Variants in TTI1 observed in about 807,000 individuals in gnomAD.
TTI1 encodes the protein TELO2 interacting protein 1.
TTI1 carries 52 observed loss-of-function variants against 85.4 expected under a neutral mutation model. The ratio of observed to expected loss-of-function variants is 0.61; its 90% CI spans 0.49 to 0.77. The LOEUF is 0.77. Among genes scored for constraint, TTI1 ranks in the 30% least tolerant of loss-of-function variants. The pLI, the probability that TTI1 is intolerant of heterozygous loss-of-function variation, is 0.00. For missense variants in TTI1, 1,173 were observed against 1,296.0 expected (o/e 0.91, Z 1.46); for synonymous variants, 512 against 503.9 (o/e 1.02, Z -0.22).
chr20:37,993,129 T>G (rs1045018023), intron 7 of TTI1, among the ~76,000 whole-genome samples: 85 of 150,556 alleles, frequency 5.6e-4, no homozygotes, highest in African/African-American at 2.0e-3. Flanking sequence ...TTTTTTTTTT[T>G]GCATTGCCAG....
intron 1 of TTI1, among the ~76,000 whole-genome samples, chr20:38,032,790 T>C (rs2073933146): frequency 6.6e-6 from 1 of 152,126 alleles, no homozygotes; most frequent in Non-Finnish European, 1.5e-5. Context: ...AGCTATCCTC[T>C]CGCCTCGGCC....
At chr20:37,989,695 C>A (rs563349368) in intron 7 of TTI1, among the ~76,000 whole-genome samples, 1 of 152,226 alleles carries the variant, frequency 6.6e-6, no homozygotes, top group Non-Finnish European at 1.5e-5. Context: ...ACTCTCGGGC[C>A]ACATTGTTTC....
At chr20:37,987,271 A>T (rs2073203708) in intron 7 of TTI1, 1 of 456,612 alleles carries the variant, frequency 2.2e-6, no homozygotes, top group South Asian at 1.5e-5. Flanking sequence ...GCTGAAAGCC[A>T]AAGTTGTTGA....
At chr20:37,997,055 G>T in intron 5 of TTI1, 102 bp from the exon 6 acceptor site, 3 of 1,118,606 alleles carry the variant, frequency 2.7e-6, no homozygotes, top group Non-Finnish European at 3.6e-6. Context: ...CTGCTTGGGG[G>T]AAAAAAAAAA....
At position 38,012,441 on chromosome 20, in the gene TTI1, G is replaced by A; in HGVS notation, c.1376C>T (p.Ser459Phe). ...RRWNSDDLNA[S>F]PKTSATQPWN... ...AGGCTGTGTGGCTGAGGTCTTTGGA[G>A]AAGCATTCAGATCATCAGAGTTCCA... Residue 459 changes from serine to phenylalanine, a missense_variant, in exon 2 of 8, where the codon TCT (serine) becomes TTT (phenylalanine). Ser to Phe is a radical substitution (Grantham distance 155). Coordinates refer to ENST00000373447, the MANE Select transcript of TTI1 (RefSeq NM_001303457.2). 1 of 1,614,234 alleles carries A rather than the reference G, an allele frequency of 6.2e-7. No individual in the cohort carries two copies. The highest frequency in any genetic ancestry group is 2.2e-5 in the East Asian group (1 of 44,890).
intron 1 of TTI1, among the ~76,000 whole-genome samples, chr20:38,015,572 A>G (rs191037759): frequency 6.6e-6 from 1 of 152,330 alleles, no homozygotes; most frequent in Non-Finnish European, 1.5e-5. Context: ...TAGAAAAAGC[A>G]TTTGAGCACT....
chr20:38,027,905 C>A (rs1240897234), intron 1 of TTI1, among the ~76,000 whole-genome samples: 1 of 151,946 alleles, frequency 6.6e-6, no homozygotes, highest in Non-Finnish European at 1.5e-5. Flanking sequence ...GCCTGGGTGA[C>A]AGAGCGAGGC....
Position 38,011,575 on chromosome 20 carries a change from A to G in TTI1, c.2242T>C (p.Phe748Leu), listed in dbSNP as rs1233913220. The G allele has an allele frequency of 1.2e-6, 2 of 1,614,090 alleles. No homozygotes were observed. The highest frequency in any genetic ancestry group is 2.7e-5 in the African/African-American group (2 of 74,932). ...AAGGAAGCAGCTCTCTTATCGTAAA[A>G]TTGGTCCAGGGTGGCCAAGACATCT... Reference protein sequence around the residue: ...VQDVLATLDQFYDKRAASFVS... With the variant: ...VQDVLATLDQLYDKRAASFVS... The change falls in exon 2 of 8, where the codon TTT (phenylalanine) becomes CTT (leucine). Residue 748 changes from phenylalanine to leucine, a missense_variant. Coordinates refer to ENST00000373447, the MANE Select transcript of TTI1 (RefSeq NM_001303457.2).
At position 38,018,273 on chromosome 20, in the gene TTI1, A is replaced by C. The variant is rs893149742; in HGVS notation, c.-41-4416T>G. ...AAAGGATAAATAATTTTATCACAGA[A>C]TTGGCTGAAATCTATAAAAAAAATC... On this transcript the variant is annotated intron_variant, in intron 1 of 7. Transcript: ENST00000373447. 2.6e-5 allele frequency among the ~76,000 whole-genome samples: 4 copies of C among 152,204 alleles called. No individual in the cohort carries two copies. In the South Asian group the frequency reaches 8.3e-4, roughly 31 times the overall value.
chr20:37,999,970 G>A (rs1325535897), intron 4 of TTI1, among the ~76,000 whole-genome samples: 1 of 152,226 alleles, frequency 6.6e-6, no homozygotes, highest in Non-Finnish European at 1.5e-5. Flanking sequence ...TCTGGCTGCT[G>A]AGTGGAGAAG....
chr20:38,020,339 T>A (rs1216168104), intron 1 of TTI1, among the ~76,000 whole-genome samples: 16 of 119,304 alleles, frequency 1.3e-4, no homozygotes, highest in Admixed American at 3.3e-4. Context: ...TATATATATA[T>A]ATATATATAT....
chr20:37,999,972 G>T (rs1012370501), intron 4 of TTI1, among the ~76,000 whole-genome samples: 1 of 152,230 alleles, frequency 6.6e-6, no homozygotes, highest in East Asian at 1.9e-4. Flanking sequence ...TGGCTGCTGA[G>T]TGGAGAAGAG....
rs1443397575 is a variant in TTI1, at chr20:37,988,388, G to A, written c.3087-4749C>T. Among the ~76,000 whole-genome samples the A allele has an allele frequency of 5.3e-5, 8 of 152,216 alleles. No homozygotes were observed. The East Asian group carries it at 1.5e-3, about 29-fold the overall frequency. On this transcript the variant is annotated intron_variant, in intron 7 of 7. Coordinates refer to ENST00000373447, the MANE Select transcript of TTI1 (RefSeq NM_001303457.2). Reference sequence around the variant, plus strand: ...CAAAAAGAACCCCCTCTGCTCTGCTGCAGGAGCGAATATTACAGAATATGT... The same window carrying A: ...CAAAAAGAACCCCCTCTGCTCTGCTACAGGAGCGAATATTACAGAATATGT...
rs189729903 is a variant in TTI1 at position 38,000,232 on chromosome 20, C to T, written c.2653-904G>A. On this transcript the variant is annotated intron_variant, in intron 4 of 7. Transcript: ENST00000373447. ...GCCACTGAATGAGATGGGGAGCACG[C>T]GGGAGGAGAAAGTTGGGCGGCTAGG... 1.3e-4 allele frequency among the ~76,000 whole-genome samples: 20 copies of T among 152,190 alleles called. No homozygotes were observed. In the East Asian group the frequency reaches 1.5e-3, roughly 12 times the overall value.
At position 38,006,338 on chromosome 20, in the gene TTI1, CT is replaced by C; in HGVS notation, c.2361del (p.Glu788ArgfsTer5). On this transcript the variant is annotated frameshift_variant, in exon 3 of 8. Transcript: ENST00000373447. LOFTEE classifies it high-confidence loss of function. ...GGTCTTTGGTTCAAATGACTTCCCT[CT>C]TCTCCTAAACTTTGCTCTTGGAGGT... is the stretch of plus-strand genomic sequence containing the variant. Reference protein sequence around the residue: ...LGHLQEQSLGEEGSHLNQRPA... With the variant: ...LGHLQEQSLGXEGSHLNQRPA... 6.2e-7 allele frequency: 1 copy of C among 1,614,226 alleles called. No homozygotes were observed. The highest frequency in any genetic ancestry group is 8.5e-7 in the Non-Finnish European group (1 of 1,180,044).
At chr20:38,006,842 C>G (rs6097304) in intron 2 of TTI1, among the ~76,000 whole-genome samples, 12,077 of 152,222 alleles carry the variant, frequency 0.079, 651 homozygotes, top group East Asian at 0.32. Flanking sequence ...GTGTACTATT[C>G]AGTGTCTGAG....
chr20:38,024,721 T>C (rs574800599), intron 1 of TTI1, among the ~76,000 whole-genome samples: 2 of 152,228 alleles, frequency 1.3e-5, no homozygotes, highest in African/African-American at 2.4e-5. Context: ...AGACTCCCAC[T>C]CTCATAAGTC....
chr20:37,991,079 C>T (rs6022259), intron 7 of TTI1, among the ~76,000 whole-genome samples: 42,879 of 152,098 alleles, frequency 0.28, 7,834 homozygotes, highest in African/African-American at 0.53. Context: ...GTGAACAGCT[C>T]CAGATCTGAG....
chr20:38,016,016 T>C (rs930023359), intron 1 of TTI1, among the ~76,000 whole-genome samples: 3 of 152,158 alleles, frequency 2.0e-5, no homozygotes, highest in Non-Finnish European at 4.4e-5. Flanking sequence ...AAAAATCACA[T>C]ATGCTTTGAG....
Sources: allele counts gnomAD v4.1 joint callset (sites outside exome capture counted in the v4.1 genomes callset), GRCh38; gene constraint gnomAD v4.1.1; transcripts MANE v1.5; gene names NCBI Gene and HGNC (gene_info 2026-07-23, HGNC 2026-07-21).